LYPD6B: variants seen among roughly 807,000 people sequenced by gnomAD.
LYPD6B encodes the protein LY6/PLAUR domain containing 6B, also known as ly6/PLAUR domain-containing protein 6B.
Under a neutral mutation model 22.8 loss-of-function variants are expected in LYPD6B, and 17 were observed. The observed-to-expected ratio is 0.75, with a 90% CI of 0.51 to 1.12. The LOEUF is 1.12. Among genes scored for constraint, LYPD6B ranks in the 50% most tolerant of loss-of-function variants. The pLI, the probability that LYPD6B is intolerant of heterozygous loss-of-function variation, is 0.00. For synonymous variants in LYPD6B, 106 were observed against 91.6 expected, an observed-to-expected ratio of 1.16 and a Z score of -0.90; for missense variants, 221 against 258.3, an observed-to-expected ratio of 0.86 and a Z score of 0.99.
At chr2:149,141,214 A>C (rs187991033) in intron 2 of LYPD6B, among the ~76,000 whole-genome samples, 25 of 152,318 alleles carry the variant, frequency 1.6e-4, no homozygotes, top group Admixed American at 1.4e-3. Context: ...AGCTGAGTGA[A>C]TGCAGGGAGT....
At chr2:149,048,745 T>C (rs1683420986) in intron 1 of LYPD6B, among the ~76,000 whole-genome samples, 1 of 152,352 alleles carries the variant, frequency 6.6e-6, no homozygotes, top group East Asian at 1.9e-4. Context: ...CTCTACATCC[T>C]GAGCAGAAAT....
intron 4 of LYPD6B, among the ~76,000 whole-genome samples, chr2:149,207,834 A>T (rs1031301722): frequency 6.6e-6 from 1 of 152,118 alleles, no homozygotes; most frequent in Non-Finnish European, 1.5e-5. Flanking sequence ...TACCTCTGCA[A>T]GTCATGGGGA....
chr2:149,195,150 G>T (rs576276560), intron 3 of LYPD6B, among the ~76,000 whole-genome samples: 56 of 152,170 alleles, frequency 3.7e-4, no homozygotes, highest in Non-Finnish European at 7.6e-4. Context: ...ATCTGCAAGC[G>T]TATGAGGTCT....
At chr2:149,129,659 A>G (rs1687905226) in intron 1 of LYPD6B, among the ~76,000 whole-genome samples, 2 of 152,214 alleles carry the variant, frequency 1.3e-5, no homozygotes, top group African/African-American at 4.8e-5. Context: ...AGTGCTATTT[A>G]GAGTTATAAT....
intron 2 of LYPD6B, among the ~76,000 whole-genome samples, chr2:149,154,949 TG>T (rs1242313648): frequency 6.6e-6 from 1 of 152,146 alleles, no homozygotes; most frequent in African/African-American, 2.4e-5. Flanking sequence ...CATAACCAAT[TG>T]ATAAGGGAAG....
intron 2 of LYPD6B, among the ~76,000 whole-genome samples, chr2:149,147,327 C>A (rs1439709639): frequency 6.6e-6 from 1 of 152,148 alleles, no homozygotes; most frequent in Non-Finnish European, 1.5e-5. Context: ...AGAGGGTAAC[C>A]CAAGTCATTA....
At chr2:149,162,010 G>C (rs1192856772) in intron 3 of LYPD6B, among the ~76,000 whole-genome samples, 6 of 152,118 alleles carry the variant, frequency 3.9e-5, no homozygotes, top group Non-Finnish European at 5.9e-5. Flanking sequence ...TTCAACTTAA[G>C]AATCTGCTAG....
At chr2:149,067,870 C>T (rs1319719857) in intron 1 of LYPD6B, among the ~76,000 whole-genome samples, 1 of 152,128 alleles carries the variant, frequency 6.6e-6, no homozygotes, top group African/African-American at 2.4e-5. Flanking sequence ...TGTGAATCTT[C>T]TTTGACCAAA....
intron 1 of LYPD6B, among the ~76,000 whole-genome samples, chr2:149,091,588 A>G (rs1574950391): frequency 6.6e-6 from 1 of 151,720 alleles, no homozygotes; most frequent in Non-Finnish European, 1.5e-5. Context: ...ACCTCTCACT[A>G]CTTCCCTTGG....
rs149594541 is a variant in LYPD6B, at chr2:149,116,744, G to C, written c.-66-14139G>C. ...AATGGGCACTCAGCAAACATTTGTT[G>C]ACAATAGGAAGAGAAATTGGATGAG... On this transcript the variant is annotated intron_variant, in intron 1 of 6. Transcript: ENST00000409642. 3.3e-5 allele frequency among the ~76,000 whole-genome samples: 5 copies of C among 152,304 alleles called. No homozygotes were observed. The East Asian group carries it at 9.6e-4, about 29-fold the overall frequency.
chr2:149,080,636 G>A (rs1685078429), intron 1 of LYPD6B, among the ~76,000 whole-genome samples: 1 of 152,074 alleles, frequency 6.6e-6, no homozygotes, highest in African/African-American at 2.4e-5. Context: ...GAGGTCAGGA[G>A]TTTGAGACCA....
In LYPD6B at chr2:149,211,430, G is replaced by A. The variant is rs138526683; in HGVS notation, c.329-1562G>A. 5.9e-5 allele frequency among the ~76,000 whole-genome samples: 9 copies of A among 152,120 alleles called. No individual in the cohort carries two copies. The South Asian group carries it at 8.3e-4, about 14-fold the overall frequency. ...TCTCTGTGACCATGGGCAAGAAATT[G>A]TCCTCAGTTTACCAGTAAAATGAGG... On this transcript the variant is annotated intron_variant, in intron 5 of 6. Transcript: ENST00000409642.
intron 2 of LYPD6B, among the ~76,000 whole-genome samples, chr2:149,144,114 A>C (rs1220215118): frequency 6.6e-6 from 1 of 152,240 alleles, no homozygotes; most frequent in Non-Finnish European, 1.5e-5. Context: ...AGGGCAAAAT[A>C]AATGATGACT....
intron 1 of LYPD6B, among the ~76,000 whole-genome samples, chr2:149,047,767 A>G (rs905536308): frequency 6.6e-6 from 1 of 152,112 alleles, no homozygotes; most frequent in African/African-American, 2.4e-5. Context: ...GTTTGAATTT[A>G]TGATACAGTC....
At chr2:149,111,195 G>A (rs1686741760) in intron 1 of LYPD6B, among the ~76,000 whole-genome samples, 1 of 152,150 alleles carries the variant, frequency 6.6e-6, no homozygotes, top group Non-Finnish European at 1.5e-5. Flanking sequence ...GCTGAAGGTG[G>A]TAAGAACTGT....
rs2106196327 is a variant in LYPD6B, at chr2:149,214,643, C to G, written c.557C>G (p.Ser186Cys). The G allele has an allele frequency of 6.2e-7, 1 of 1,613,986 alleles. No homozygotes were observed. Among genetic ancestry groups the G allele is most frequent in the East Asian group, 2.2e-5 (1 of 44,860 alleles). The change falls in exon 7 of 7, where the codon TCT (serine) becomes TGT (cysteine). Residue 186 changes from serine to cysteine, a missense_variant. Coordinates refer to ENST00000409642, the MANE Select transcript of LYPD6B (RefSeq NM_177964.5). ...VFAVMHAQRT[S>C]GSSAPTLYLP... ...GCCGTAATGCACGCTCAGAGAACATCTGGCAGCAGTGCCCCCACACTCTAC... is the reference window on the plus strand; with the variant it reads ...GCCGTAATGCACGCTCAGAGAACATGTGGCAGCAGTGCCCCCACACTCTAC...
rs1474671404 is a variant in LYPD6B, at chr2:149,103,150, GTT to G, written c.-66-27730_-66-27729del. On this transcript the variant is annotated intron_variant, in intron 1 of 6. Coordinates refer to ENST00000409642, the MANE Select transcript of LYPD6B (RefSeq NM_177964.5). Reference sequence around the variant, plus strand: ...CATGACAAAGGGAACTCAAGGCATTGTTTTCAGTCCTCTTTAGATGAAATAAC... The same window carrying G: ...CATGACAAAGGGAACTCAAGGCATTGTTCAGTCCTCTTTAGATGAAATAAC... Among the ~76,000 whole-genome samples, 11 of 152,254 alleles carry G rather than the reference GTT, an allele frequency of 7.2e-5. No homozygotes were observed. The East Asian group carries it at 2.1e-3, about 29-fold the overall frequency.
intron 2 of LYPD6B, among the ~76,000 whole-genome samples, chr2:149,154,484 CA>C (rs754504995): frequency 6.8e-5 from 4 of 58,848 alleles, no homozygotes; most frequent in African/African-American, 1.4e-4. Context: ...TTTAAGCCAC[CA>C]TTTTTTTTTG....
intron 2 of LYPD6B, among the ~76,000 whole-genome samples, chr2:149,145,124 A>T (rs1688937432): frequency 6.6e-6 from 1 of 152,110 alleles, no homozygotes; most frequent in Non-Finnish European, 1.5e-5. Context: ...CACAGTTTTA[A>T]ATTAGGCTTC....
Sources: allele counts gnomAD v4.1 joint callset (sites outside exome capture counted in the v4.1 genomes callset), GRCh38; gene constraint gnomAD v4.1.1; transcripts MANE v1.5; gene names NCBI Gene and HGNC (gene_info 2026-07-23, HGNC 2026-07-21).